FAR2: variants seen among roughly 807,000 people sequenced by gnomAD.
FAR2 encodes fatty acyl-CoA reductase 2.
In FAR2, 19 loss-of-function variants were observed where a neutral mutation model predicts 56.0. The observed-to-expected ratio is 0.34, with a 90% CI of 0.24 to 0.50. FAR2 has a LOEUF of 0.50. Ranked by LOEUF, FAR2 falls within the 20% of genes least tolerant of loss-of-function variation. The pLI, the probability that FAR2 is intolerant of heterozygous loss-of-function variation, is 0.98. For missense variants in FAR2, 508 were observed against 642.2 expected, an observed-to-expected ratio of 0.79 and a Z score of 2.26; for synonymous variants, 219 against 218.8, an observed-to-expected ratio of 1.00 and a Z score of -0.01.
chr12:29,294,509 G>A (rs898026832), intron 3 of FAR2, among the ~76,000 whole-genome samples: 34 of 152,008 alleles, frequency 2.2e-4, no homozygotes, highest in Admixed American at 1.9e-3. Flanking sequence ...CACCACGCTC[G>A]GCTAATATTT....
chr12:29,306,294 G>T (rs1166746670), intron 4 of FAR2, among the ~76,000 whole-genome samples: 2 of 152,132 alleles, frequency 1.3e-5, no homozygotes, highest in African/African-American at 4.8e-5. Context: ...AAAGACATTT[G>T]AGTATCCAGA....
intron 1 of FAR2, among the ~76,000 whole-genome samples, chr12:29,247,424 T>G (rs2136672146): frequency 6.6e-6 from 1 of 152,284 alleles, no homozygotes; most frequent in South Asian, 2.1e-4. Context: ...CATCTTTTGG[T>G]TGCAAACAGT....
intron 3 of FAR2, among the ~76,000 whole-genome samples, chr12:29,294,596 C>T (rs1034918505): frequency 2.6e-5 from 4 of 152,162 alleles, no homozygotes; most frequent in Admixed American, 6.5e-5. Flanking sequence ...GTGATCCACC[C>T]GCCTTGGCCT....
chr12:29,204,382 G>T (rs1461486862), intron 1 of FAR2, among the ~76,000 whole-genome samples: 2 of 152,144 alleles, frequency 1.3e-5, no homozygotes, highest in Non-Finnish European at 2.9e-5. Context: ...TTGCCATAGG[G>T]AAGATAATTA....
At chr12:29,277,418 G>A (rs1948718196) in intron 2 of FAR2, 1 of 152,208 alleles carries the variant, frequency 6.6e-6, no homozygotes, top group East Asian at 1.9e-4. Flanking sequence ...AGTATTTATT[G>A]AGAGCCAAAT....
intron 1 of FAR2, among the ~76,000 whole-genome samples, chr12:29,195,231 G>A (rs187431268): frequency 6.6e-6 from 1 of 152,036 alleles, no homozygotes; most frequent in Non-Finnish European, 1.5e-5. Flanking sequence ...ATTTCTTCAG[G>A]TTAGTAAATC....
intron 1 of FAR2, among the ~76,000 whole-genome samples, chr12:29,230,601 C>T (rs951500473): frequency 6.6e-6 from 1 of 151,872 alleles, no homozygotes; most frequent in Admixed American, 6.6e-5. Flanking sequence ...CAGCAAGAAA[C>T]ACTTAGAGGC....
At chr12:29,256,762 G>C (rs998044210) in intron 1 of FAR2, among the ~76,000 whole-genome samples, 5 of 152,190 alleles carry the variant, frequency 3.3e-5, no homozygotes, top group Admixed American at 6.5e-5. Flanking sequence ...TGCCAGCCCC[G>C]GCAATGAAGG....
chr12:29,307,197 G>A (rs912091918), intron 4 of FAR2, among the ~76,000 whole-genome samples: 1 of 152,148 alleles, frequency 6.6e-6, no homozygotes, highest in Non-Finnish European at 1.5e-5. Flanking sequence ...GTACTTATGA[G>A]CTTGCTAGAG....
At chr12:29,201,677 A>C (rs1052607701) in intron 1 of FAR2, among the ~76,000 whole-genome samples, 1 of 152,236 alleles carries the variant, frequency 6.6e-6, no homozygotes, top group African/African-American at 2.4e-5. Flanking sequence ...TGACTTTGCT[A>C]TACCTGGGTC....
chr12:29,235,865 A>G (rs1947933492), intron 1 of FAR2, among the ~76,000 whole-genome samples: 1 of 152,144 alleles, frequency 6.6e-6, no homozygotes. Context: ...AATTTCAGTA[A>G]ACTCTAGGTT....
intron 1 of FAR2, among the ~76,000 whole-genome samples, chr12:29,255,377 C>T (rs774870713): frequency 6.6e-6 from 1 of 152,198 alleles, no homozygotes; most frequent in South Asian, 2.1e-4. Context: ...ACCTTAATAA[C>T]CTTCTAAAGT....
chr12:29,176,876 CT>C lies in FAR2; in HGVS notation c.-39+27474del, dbSNP rs1012397852. Among the ~76,000 whole-genome samples the C allele has an allele frequency of 7.2e-5, 11 of 152,250 alleles. No individual in the cohort carries two copies. In the East Asian group the frequency reaches 1.9e-3, roughly 27 times the overall value. On this transcript the variant is annotated intron_variant, in intron 1 of 11. Coordinates refer to ENST00000536681, the MANE Select transcript of FAR2 (RefSeq NM_001271783.2). ...AAACTTGAGATAGATTAACTGAATA[CT>C]TTTTCAAAGAAGAAGTGATGGCTTG...
At chr12:29,204,018 A>G (rs920514795) in intron 1 of FAR2, among the ~76,000 whole-genome samples, 4 of 150,058 alleles carry the variant, frequency 2.7e-5, no homozygotes, top group African/African-American at 9.8e-5. Context: ...AAAAAAAAAA[A>G]AAAAAGAAAA....
intron 1 of FAR2, among the ~76,000 whole-genome samples, chr12:29,177,977 A>T (rs1330224209): frequency 6.6e-6 from 1 of 152,214 alleles, no homozygotes; most frequent in Non-Finnish European, 1.5e-5. Flanking sequence ...GCTAATGGGA[A>T]GGAGCTCAGT....
chr12:29,236,969 A>C (rs1043617453), intron 1 of FAR2, among the ~76,000 whole-genome samples: 4 of 152,184 alleles, frequency 2.6e-5, no homozygotes, highest in Admixed American at 6.6e-5. Context: ...CTTGATCATC[A>C]CTAGCCCAAC....
At chr12:29,308,830 G>A (rs1474169796) in intron 5 of FAR2, among the ~76,000 whole-genome samples, 3 of 151,904 alleles carry the variant, frequency 2.0e-5, no homozygotes, top group Non-Finnish European at 4.4e-5. Context: ...TAAGGAGGCT[G>A]AAATCAGGAC....
At chr12:29,223,369 C>G (rs1370556229) in intron 1 of FAR2, among the ~76,000 whole-genome samples, 1 of 152,170 alleles carries the variant, frequency 6.6e-6, no homozygotes, top group African/African-American at 2.4e-5. Flanking sequence ...GGATGACATT[C>G]ATTTGTGGAA....
chr12:29,259,337 A>T (rs1948378692), intron 1 of FAR2, among the ~76,000 whole-genome samples: 1 of 152,190 alleles, frequency 6.6e-6, no homozygotes, highest in South Asian at 2.1e-4. Flanking sequence ...GATCTGGCCC[A>T]AAATGTCAAT....
Sources: gnomAD v4.1 joint callset for allele counts (sites outside exome capture counted in the v4.1 genomes callset) on GRCh38, gnomAD v4.1.1 for gene constraint, MANE v1.5 for transcripts, NCBI Gene and HGNC (gene_info 2026-07-23, HGNC 2026-07-21) for gene names.